FHIT: variants seen among roughly 807,000 people sequenced by gnomAD.
FHIT encodes fragile histidine triad diadenosine triphosphatase.
FHIT carries 19 observed loss-of-function variants against 17.9 expected under a neutral mutation model. The ratio of observed to expected loss-of-function variants is 1.06; its 90% CI spans 0.74 to 1.56. FHIT has a LOEUF of 1.56. Among genes scored for constraint, FHIT ranks in the 40% most tolerant of loss-of-function variants. The probability of loss-of-function intolerance (pLI) is 0.00; values close to 1 mark genes in which losing one functional copy is unlikely to be tolerated. For synonymous variants in FHIT, 81 were observed against 69.7 expected (o/e 1.16, Z -0.81); for missense variants, 248 against 189.2 (o/e 1.31, Z -1.82).
chr3:60,592,315 T>C (rs1450666901), intron 4 of FHIT, among the ~76,000 whole-genome samples: 3 of 150,780 alleles, frequency 2.0e-5, no homozygotes, highest in Non-Finnish European at 4.4e-5. Context: ...GATAATTTAC[T>C]GAGAATACTA....
chr3:60,478,561 G>A (rs1280946794), intron 5 of FHIT, among the ~76,000 whole-genome samples: 2 of 152,092 alleles, frequency 1.3e-5, no homozygotes, highest in South Asian at 2.1e-4. Context: ...GAAGAGTAAC[G>A]ATCATGGTGA....
intron 5 of FHIT, among the ~76,000 whole-genome samples, chr3:60,115,984 C>G (rs769985263): frequency 3.0e-4 from 46 of 152,134 alleles, no homozygotes; most frequent in Admixed American, 1.2e-3. Context: ...GTTAACTCTT[C>G]TCTTTATTTC....
chr3:60,857,256 A>C (rs1553750229), intron 3 of FHIT, among the ~76,000 whole-genome samples: 1 of 152,172 alleles, frequency 6.6e-6, no homozygotes, highest in East Asian at 1.9e-4. Context: ...AAAGTTACTC[A>C]GAGTGGTTTA....
intron 5 of FHIT, among the ~76,000 whole-genome samples, chr3:60,222,301 G>C (rs948195244): frequency 1.3e-5 from 2 of 151,988 alleles, no homozygotes; most frequent in African/African-American, 4.8e-5. Context: ...ATAAGCTCTC[G>C]AGAAGAAATT....
chr3:61,113,981 G>A (rs919656824), intron 2 of FHIT, among the ~76,000 whole-genome samples: 17 of 152,058 alleles, frequency 1.1e-4, no homozygotes, highest in African/African-American at 3.6e-4. Flanking sequence ...TTATTACCAC[G>A]GTCCCATACA....
intron 5 of FHIT, among the ~76,000 whole-genome samples, chr3:60,130,970 G>A (rs543989821): frequency 4.1e-5 from 4 of 98,184 alleles, no homozygotes; most frequent in Non-Finnish European, 1.0e-4. Context: ...CCAGTAGAAA[G>A]GTATATATAT....
intron 4 of FHIT, among the ~76,000 whole-genome samples, chr3:60,776,586 C>G (rs960717498): frequency 7.9e-5 from 12 of 152,172 alleles, no homozygotes; most frequent in African/African-American, 2.9e-4. Context: ...GACTTGCCAG[C>G]TTCACAACTG....
chr3:60,195,599 A>ATATTTATATATATAAT lies in FHIT; in HGVS notation c.104-181448_104-181447insATTATATATATAAATA, dbSNP rs1702603887. On this transcript the variant is annotated intron_variant, in intron 5 of 9. Coordinates refer to ENST00000492590, the MANE Select transcript of FHIT (RefSeq NM_002012.4). ...ATTATATTTATATTTATATATAATT[A>ATATTTATATATATAAT]TATATATGTATATATAATTATATAT... Among the ~76,000 whole-genome samples, 3 of 85,512 alleles carry ATATTTATATATATAAT rather than the reference A, an allele frequency of 3.5e-5. No individual in the cohort carries two copies. In the South Asian group the frequency reaches 1.5e-3, roughly 43 times the overall value. 56.1% of individuals were successfully genotyped at this position (85,512 alleles called of 152,430 possible). A position where few individuals can be genotyped will look rare whatever the true frequency, so the allele number is the denominator to read the frequency against.
intron 5 of FHIT, among the ~76,000 whole-genome samples, chr3:60,036,521 G>A (rs898742238): frequency 1.3e-5 from 2 of 152,038 alleles, no homozygotes; most frequent in Admixed American, 6.6e-5. Flanking sequence ...GTAATACGTG[G>A]TAAGCAATAA....
intron 8 of FHIT, among the ~76,000 whole-genome samples, chr3:59,910,166 A>G (rs937736535): frequency 6.6e-6 from 1 of 152,208 alleles, no homozygotes; most frequent in African/African-American, 2.4e-5. Flanking sequence ...GACATGAGGC[A>G]TCAATCAACA....
intron 5 of FHIT, among the ~76,000 whole-genome samples, chr3:60,161,316 CACA>C (rs1425047490): frequency 6.6e-6 from 1 of 152,318 alleles, no homozygotes; most frequent in Non-Finnish European, 1.5e-5. Context: ...AGCAAAACGG[CACA>C]ACGTCTGCCT....
At chr3:60,715,993 G>C (rs536606604) in intron 4 of FHIT, among the ~76,000 whole-genome samples, 1 of 152,082 alleles carries the variant, frequency 6.6e-6, no homozygotes, top group Non-Finnish European at 1.5e-5. Context: ...GCTCATGCCT[G>C]TAATCCCAGC....
chr3:60,909,403 T>G (rs899771688), intron 3 of FHIT, among the ~76,000 whole-genome samples: 1 of 149,280 alleles, frequency 6.7e-6, no homozygotes, highest in South Asian at 2.1e-4. Flanking sequence ...TAATCTTAAA[T>G]GGATGGCAGC....
chr3:60,808,976 A>T (rs946475310), intron 4 of FHIT, among the ~76,000 whole-genome samples: 4 of 152,196 alleles, frequency 2.6e-5, no homozygotes, highest in Non-Finnish European at 5.9e-5. Context: ...TCTGTGAAAA[A>T]TATTTTTATA....
At chr3:60,850,575 A>G (rs1703116763) in intron 3 of FHIT, among the ~76,000 whole-genome samples, 1 of 151,870 alleles carries the variant, frequency 6.6e-6, no homozygotes, top group Non-Finnish European at 1.5e-5. Flanking sequence ...CTTCCCAAAC[A>G]CACTTATTAA....
At chr3:60,097,009 T>C (rs1329041785) in intron 5 of FHIT, among the ~76,000 whole-genome samples, 2 of 129,242 alleles carry the variant, frequency 1.5e-5, no homozygotes, top group African/African-American at 5.8e-5. Context: ...AGTGAGACCC[T>C]ATCTCTGTTA....
chr3:59,931,766 C>A (rs1337607643), intron 7 of FHIT, among the ~76,000 whole-genome samples: 1 of 152,096 alleles, frequency 6.6e-6, no homozygotes, highest in African/African-American at 2.4e-5. Flanking sequence ...TGTTTTTAAG[C>A]CATACATCAC....
intron 2 of FHIT, among the ~76,000 whole-genome samples, chr3:61,100,538 T>C (rs569619083): frequency 6.6e-6 from 1 of 152,332 alleles, no homozygotes; most frequent in Admixed American, 6.5e-5. Context: ...CATATGTCTT[T>C]ATAGTAGCAT....
At chr3:59,942,938 T>G (rs898313142) in intron 7 of FHIT, among the ~76,000 whole-genome samples, 3 of 152,146 alleles carry the variant, frequency 2.0e-5, no homozygotes, top group Non-Finnish European at 4.4e-5. Flanking sequence ...CATGACCCAC[T>G]GTGCCTGGCT....
Sources: gnomAD v4.1 joint callset for allele counts (sites outside exome capture counted in the v4.1 genomes callset) on GRCh38, gnomAD v4.1.1 for gene constraint, MANE v1.5 for transcripts, NCBI Gene and HGNC (gene_info 2026-07-23, HGNC 2026-07-21) for gene names.